DLEC1: variants seen among roughly 807,000 people sequenced by gnomAD.
DLEC1 encodes the protein DLEC1 cilia and flagella associated protein.
DLEC1 carries 146 observed loss-of-function variants against 198.1 expected under a neutral mutation model. The observed-to-expected ratio is 0.74, with a 90% CI of 0.64 to 0.85. The LOEUF (loss-of-function observed/expected upper bound fraction) is 0.85. Ranked by LOEUF, DLEC1 falls within the 40% of genes least tolerant of loss-of-function variation. DLEC1 has a pLI of 0.00. For missense variants in DLEC1, 2,233 were observed against 2,220.0 expected (o/e 1.01, Z -0.12); for synonymous variants, 897 against 866.8 (o/e 1.03, Z -0.61).
chr3:38,079,030 G>A (rs1697800491), intron 6 of DLEC1, among the ~76,000 whole-genome samples: 1 of 152,204 alleles, frequency 6.6e-6, no homozygotes, highest in Admixed American at 6.5e-5. Context: ...TTGGCATTGA[G>A]CGGGGTAAGG....
intron 2 of DLEC1, among the ~76,000 whole-genome samples, chr3:38,053,187 A>G (rs1290647539): frequency 1.3e-5 from 2 of 152,204 alleles, no homozygotes; most frequent in Non-Finnish European, 2.9e-5. Context: ...AAGTGCCGAG[A>G]TTGCAGCCTC....
intron 18 of DLEC1, among the ~76,000 whole-genome samples, chr3:38,098,496 G>A (rs1048182270): frequency 3.0e-4 from 46 of 152,134 alleles, no homozygotes; most frequent in African/African-American, 1.1e-3. Context: ...CCAGCTACTC[G>A]CAAAATGCCC....
In DLEC1 at chr3:38,086,533, G is replaced by A. The variant is rs73825491; in HGVS notation, c.1572+156G>A. Reference sequence around the variant, plus strand: ...AACTGCCACAACCCGAATGAGAATGGATGTATAAGGGTCCAGTGTTGTAGT... The same window carrying A: ...AACTGCCACAACCCGAATGAGAATGAATGTATAAGGGTCCAGTGTTGTAGT... On this transcript the variant is annotated intron_variant, in intron 9 of 36. Transcript: ENST00000308059. Among the ~76,000 whole-genome samples the A allele has an allele frequency of 2.3e-3, 345 of 152,310 alleles. 1 individual carries two copies. The highest frequency in any genetic ancestry group is 8.0e-3 in the African/African-American group (333 of 41,570).
chr3:38,101,253 C>T (rs564999092), intron 19 of DLEC1, among the ~76,000 whole-genome samples: 6 of 152,162 alleles, frequency 3.9e-5, no homozygotes, highest in African/African-American at 7.2e-5. Flanking sequence ...GTCAGGAGTT[C>T]GAGATCAGCC....
chr3:38,072,098 G>T (rs1306391829), intron 6 of DLEC1, among the ~76,000 whole-genome samples: 1 of 152,156 alleles, frequency 6.6e-6, no homozygotes, highest in Non-Finnish European at 1.5e-5. Flanking sequence ...GAAATGGGGT[G>T]AACATCAGGT....
intron 28 of DLEC1, 39 bp downstream of exon 28, chr3:38,116,697 AG>A: frequency 6.2e-7 from 1 of 1,610,756 alleles, no homozygotes; most frequent in Non-Finnish European, 8.5e-7. Flanking sequence ...CTGGCCACTG[AG>A]GGCCACTGAG....
At chr3:38,072,484 G>A (rs1450135304) in intron 6 of DLEC1, among the ~76,000 whole-genome samples, 2 of 152,196 alleles carry the variant, frequency 1.3e-5, no homozygotes, top group Non-Finnish European at 2.9e-5. Flanking sequence ...GCACAGCCCT[G>A]CACTTCGGCT....
chr3:38,097,660 G>T, intron 17 of DLEC1, 23 bp downstream of exon 17: 1 of 1,614,166 alleles, frequency 6.2e-7, no homozygotes, highest in Non-Finnish European at 8.5e-7. Flanking sequence ...GAGCTGGGCA[G>T]TGGGGTGGGC....
chr3:38,086,869 G>A (rs1417162359), intron 9 of DLEC1, among the ~76,000 whole-genome samples: 1 of 152,080 alleles, frequency 6.6e-6, no homozygotes, highest in Admixed American at 6.5e-5. Flanking sequence ...GAGGTCAGGG[G>A]TTTGAGACCA....
chr3:38,054,065 G>A (rs572111945), intron 2 of DLEC1, among the ~76,000 whole-genome samples: 3 of 151,920 alleles, frequency 2.0e-5, no homozygotes, highest in South Asian at 2.1e-4. Flanking sequence ...GCGGAAGGCC[G>A]CAGGGTCCTC....
At chr3:38,060,141 C>T (rs1045528773) in intron 3 of DLEC1, among the ~76,000 whole-genome samples, 2 of 152,118 alleles carry the variant, frequency 1.3e-5, no homozygotes, top group Admixed American at 1.3e-4. Context: ...TGCAGTTGAA[C>T]CAAGAGAAGG....
intron 11 of DLEC1, among the ~76,000 whole-genome samples, chr3:38,093,181 T>G (rs571701128): frequency 1.3e-5 from 2 of 152,132 alleles, no homozygotes; most frequent in Admixed American, 1.3e-4. Flanking sequence ...TTGATCTCCT[T>G]TGGGGAATTG....
rs987060323 is a variant in DLEC1, at chr3:38,122,121, A to C, written c.5071A>C (p.Ser1691Arg). 14 of 1,613,996 alleles carry C rather than the reference A, an allele frequency of 8.7e-6. No individual in the cohort carries two copies. The highest frequency in any genetic ancestry group is 1.1e-5 in the Non-Finnish European group (13 of 1,179,990). Residue 1691 changes from serine (S) to arginine (R), a missense_variant, in exon 36 of 37, where the codon AGT (serine) becomes CGT (arginine). Coordinates refer to ENST00000308059, the MANE Select transcript of DLEC1 (RefSeq NM_007335.4). ...TGTGGCCTTCAGGGTCTCCCCAAAC[A>C]GTGGGCTGCTAGAAGCACGATCCGC... ...AAVAFRVSPN[S>R]GLLEARSANA...
intron 15 of DLEC1, 50 bp downstream of exon 15, chr3:38,096,787 T>C (rs745952665): frequency 6.5e-7 from 1 of 1,545,030 alleles, no homozygotes; most frequent in Admixed American, 1.9e-5. Context: ...AGTGTTGACA[T>C]GAGTGCAAGT....
chr3:38,090,841 A>G (rs1051599329), intron 10 of DLEC1, among the ~76,000 whole-genome samples: 2 of 151,956 alleles, frequency 1.3e-5, no homozygotes, highest in Non-Finnish European at 2.9e-5. Flanking sequence ...AAAAATAGAG[A>G]GAATAATGAT....
Position 38,122,478 on chromosome 3 carries a change from C to G in DLEC1, c.*66C>G. On this transcript the variant is annotated 3_prime_UTR_variant, in exon 37 of 37. Transcript: ENST00000308059. ...AAAAACATTGCCCAGGGATTAGGAG[C>G]AGCTCTTCAGCACAAAGACACAGAC... is the stretch of plus-strand genomic sequence containing the variant. 6.2e-7 allele frequency: 1 copy of G among 1,613,518 alleles called. No homozygotes were observed. Among genetic ancestry groups the G allele is most frequent in the African/African-American group, 1.3e-5 (1 of 75,040 alleles).
At chr3:38,065,547 C>T (rs1220660418) in intron 6 of DLEC1, among the ~76,000 whole-genome samples, 1 of 152,248 alleles carries the variant, frequency 6.6e-6, no homozygotes, top group Non-Finnish European at 1.5e-5. Flanking sequence ...TCTATTACTC[C>T]TACAACCTCT....
At chr3:38,103,908 C>T (rs1699432763) in intron 19 of DLEC1, 1 of 152,140 alleles carries the variant, frequency 6.6e-6, no homozygotes, top group African/African-American at 2.4e-5. Flanking sequence ...CACCCCAAAA[C>T]AATTACAGTA....
chr3:38,068,257 T>C (rs1369768968), intron 6 of DLEC1, among the ~76,000 whole-genome samples: 4 of 151,914 alleles, frequency 2.6e-5, no homozygotes, highest in Non-Finnish European at 5.9e-5. Context: ...TGAAATAAGG[T>C]CTGGCTCTGT....
Sources: gnomAD v4.1 joint callset for allele counts (sites outside exome capture counted in the v4.1 genomes callset) on GRCh38, gnomAD v4.1.1 for gene constraint, MANE v1.5 for transcripts, NCBI Gene and HGNC (gene_info 2026-07-23, HGNC 2026-07-21) for gene names.